The following GPBP1L1 variants were observed in gnomAD, a reference collection of about 807,000 sequenced individuals.
GPBP1L1 encodes the protein vasculin-like protein 1.
GPBP1L1 carries 23 observed loss-of-function variants against 52.5 expected under a neutral mutation model. The observed-to-expected ratio is 0.44, with a 90% CI of 0.32 to 0.62. The LOEUF is 0.62. Ranked by LOEUF, GPBP1L1 falls within the 20% of genes least tolerant of loss-of-function variation. The pLI, the probability that GPBP1L1 is intolerant of heterozygous loss-of-function variation, is 0.06. For synonymous variants in GPBP1L1, 243 were observed against 203.1 expected (o/e 1.20, Z -1.67); for missense variants, 596 against 579.3 (o/e 1.03, Z -0.30).
In GPBP1L1 at chr1:45,640,395, G is replaced by T. The variant is rs1193631750; in HGVS notation, c.559C>A (p.Pro187Thr). The T allele has an allele frequency of 6.2e-7, 1 of 1,613,352 alleles. No homozygotes were observed. The highest frequency in any genetic ancestry group is 8.5e-7 in the Non-Finnish European group (1 of 1,179,882). The change falls in exon 8 of 13, where the codon CCT becomes ACT. Residue 187 changes from proline (P) to threonine (T), a missense_variant. Physicochemically the swap from Pro to Thr is conservative, Grantham distance 38 (BLOSUM62 -1). Transcript: ENST00000355105. ...GTPSGVWENP[P>T]SAKQPSKMLV... ...ATCTTGGAGGGTTGCTTGGCACTAG[G>T]CGGGTTTTCTGTGAAGTACAAGAGT...
chr1:45,682,492 T>C (rs1034675039), intron 2 of GPBP1L1, among the ~76,000 whole-genome samples: 4 of 152,238 alleles, frequency 2.6e-5, no homozygotes, highest in African/African-American at 9.6e-5. Context: ...GTGAACTTAA[T>C]GACTTTGTTA....
At chr1:45,644,567 T>C (rs1177135216) in intron 6 of GPBP1L1, among the ~76,000 whole-genome samples, 2 of 152,210 alleles carry the variant, frequency 1.3e-5, no homozygotes, top group Admixed American at 6.5e-5. Flanking sequence ...ATTTTTTTTT[T>C]TTACTAACCC....
In GPBP1L1 at chr1:45,634,153, G is replaced by T. The variant is rs1644565726; in HGVS notation, c.828C>A (p.Ile276=). 6.2e-7 allele frequency: 1 copy of T among 1,614,126 alleles called. No homozygotes were observed. The highest frequency in any genetic ancestry group is 1.1e-5 in the South Asian group (1 of 91,078). The stretch of plus-strand genomic sequence containing the variant: ...CCAGTACCACTGGTTTGGTAACAGA[G>T]ATTGGACTGGTAAAAGCAGACTCCC... ...SSRESAFTSP[I]SVTKPVVLAS... Residue 276 remains isoleucine (I), a synonymous_variant, in exon 9 of 13, where the codon ATC becomes ATA. Transcript: ENST00000355105.
intron 2 of GPBP1L1, among the ~76,000 whole-genome samples, chr1:45,669,617 ACC>A (rs952828078): frequency 2.0e-5 from 2 of 102,446 alleles, no homozygotes; most frequent in African/African-American, 8.6e-5. Context: ...TTTGGGTATG[ACC>A]CCCCCTCCAA....
At chr1:45,647,056 T>C (rs937319479) in intron 6 of GPBP1L1, among the ~76,000 whole-genome samples, 1 of 152,056 alleles carries the variant, frequency 6.6e-6, no homozygotes, top group African/African-American at 2.4e-5. Flanking sequence ...TTATTCTCTT[T>C]ATTCTTCAGT....
In GPBP1L1 at chr1:45,681,312, A is replaced by C. The variant is rs1340390378; in HGVS notation, c.-1098+4264T>G. Among the ~76,000 whole-genome samples the C allele has an allele frequency of 2.6e-5, 4 of 152,308 alleles. No homozygotes were observed. The East Asian group carries it at 7.7e-4, about 29-fold the overall frequency. On this transcript the variant is annotated intron_variant, in intron 2 of 12. Coordinates refer to ENST00000355105, the MANE Select transcript of GPBP1L1 (RefSeq NM_021639.5). Reference sequence around the variant, plus strand: ...CTTCTCTATCTCCAAATCAAATCTCAATCTAAGCCTCTATATCCAACTACC... The same window carrying C: ...CTTCTCTATCTCCAAATCAAATCTCCATCTAAGCCTCTATATCCAACTACC...
intron 7 of GPBP1L1, among the ~76,000 whole-genome samples, chr1:45,640,656 C>A (rs762473120): frequency 2.3e-4 from 35 of 152,140 alleles, no homozygotes; most frequent in Non-Finnish European, 4.9e-4. Context: ...GTTAGCAGTC[C>A]TTCAGGGGCA....
intron 6 of GPBP1L1, among the ~76,000 whole-genome samples, chr1:45,644,605 T>A (rs576255668): frequency 6.6e-6 from 1 of 152,312 alleles, no homozygotes; most frequent in African/African-American, 2.4e-5. Context: ...ACTATAGTTT[T>A]GTCTCCAAAA....
intron 6 of GPBP1L1, among the ~76,000 whole-genome samples, chr1:45,653,843 C>T (rs929400734): frequency 6.6e-6 from 1 of 151,762 alleles, no homozygotes; most frequent in Admixed American, 6.6e-5. Context: ...GAATTATAGG[C>T]ACTTGCCACC....
intron 5 of GPBP1L1, 48 bp downstream of exon 5, chr1:45,655,142 C>A: frequency 6.2e-7 from 1 of 1,611,606 alleles, no homozygotes. Flanking sequence ...CTGGGCTTGT[C>A]CTAAATGAGT....
upstream of GPBP1L1, chr1:45,687,672 G>T (rs1192165063): frequency 2.6e-5 from 4 of 152,220 alleles, no homozygotes; most frequent in Non-Finnish European, 4.4e-5. Context: ...CAAGCCTAGG[G>T]CCCTTATCAC....
intron 10 of GPBP1L1, among the ~76,000 whole-genome samples, chr1:45,632,275 T>C (rs901150333): frequency 6.6e-6 from 1 of 151,944 alleles, no homozygotes; most frequent in African/African-American, 2.4e-5. Context: ...TGGTGGCACA[T>C]GCCTGTAATC....
Position 45,654,611 on chromosome 1 carries a change from G to A in GPBP1L1, c.409C>T (p.Pro137Ser). 6.2e-7 allele frequency: 1 copy of A among 1,613,928 alleles called. No individual in the cohort carries two copies. Among genetic ancestry groups the A allele is most frequent in the Non-Finnish European group, 8.5e-7 (1 of 1,179,960 alleles). Residue 137 changes from proline (P) to serine (S), a missense_variant, in exon 6 of 13, where the codon CCT becomes TCT. Physicochemically the swap from Pro to Ser is moderately conservative, Grantham distance 74. Transcript: ENST00000355105. ...TTCTTTTCTTCCCTAATCTCCATAG[G>A]TGGCTTTTCCTGAAAAGCACACCCT... ...RKGCAFQEKP[P>S]MEIREEKKED...
chr1:45,641,459 TAAAC>T (rs1373351730), intron 7 of GPBP1L1, among the ~76,000 whole-genome samples: 3 of 147,158 alleles, frequency 2.0e-5, no homozygotes, highest in African/African-American at 7.8e-5. Context: ...CACATACACA[TAAAC>T]ACACACACAC....
At chr1:45,628,749 C>T (rs1322009777) in intron 12 of GPBP1L1, among the ~76,000 whole-genome samples, 5 of 152,154 alleles carry the variant, frequency 3.3e-5, no homozygotes, top group African/African-American at 1.2e-4. Flanking sequence ...CTGCATCCTC[C>T]GCCTCCTGGG....
At chr1:45,663,342 C>T (rs1317838036) in intron 2 of GPBP1L1, among the ~76,000 whole-genome samples, 1 of 152,142 alleles carries the variant, frequency 6.6e-6, no homozygotes, top group Non-Finnish European at 1.5e-5. Context: ...ATAAACAATT[C>T]CCTCTTTTCA....
chr1:45,679,185 T>C (rs1014512636), intron 2 of GPBP1L1, among the ~76,000 whole-genome samples: 8 of 120,240 alleles, frequency 6.7e-5, no homozygotes, highest in African/African-American at 1.9e-4. Flanking sequence ...AAAGGGAAAA[T>C]TGTCTGACAA....
rs201760934 is a variant in GPBP1L1 at position 45,632,905 on chromosome 1, AAAG to A, written c.1044+581_1044+583del. ...AAGGGACCTGAACAAACACATCAACAAAGAAGATACATAGATGGATGCTCCACA... is the reference window on the plus strand; with the variant it reads ...AAGGGACCTGAACAAACACATCAACAAAGATACATAGATGGATGCTCCACA... On this transcript the variant is annotated intron_variant, in intron 10 of 12. Transcript: ENST00000355105. Among the ~76,000 whole-genome samples the A allele has an allele frequency of 1.4e-3, 209 of 152,344 alleles. 4 individuals are homozygous for A. The East Asian group carries it at 0.036, about 26-fold the overall frequency.
At chr1:45,648,424 T>C (rs1460110940) in intron 6 of GPBP1L1, among the ~76,000 whole-genome samples, 3 of 152,258 alleles carry the variant, frequency 2.0e-5, no homozygotes, top group Non-Finnish European at 4.4e-5. Context: ...CTGTATTTAC[T>C]TGTTATTCCA....
Sources: allele counts gnomAD v4.1 joint callset (sites outside exome capture counted in the v4.1 genomes callset), GRCh38; gene constraint gnomAD v4.1.1; transcripts MANE v1.5; gene names NCBI Gene and HGNC (gene_info 2026-07-23, HGNC 2026-07-21).